The following ADAMTSL1 variants were observed in gnomAD, a reference collection of about 807,000 sequenced individuals.
ADAMTSL1 encodes ADAMTS like 1.
ADAMTSL1 carries 126 observed loss-of-function variants against 201.8 expected under a neutral mutation model. The observed-to-expected ratio is 0.62, with a 90% CI of 0.54 to 0.72. The LOEUF is 0.72. ADAMTSL1 is among the 30% of genes least tolerant of loss of function. The pLI is 0.00. For missense variants in ADAMTSL1, 2,679 were observed against 2,277.8 expected, an observed-to-expected ratio of 1.18 and a Z score of -3.59; for synonymous variants, 1,121 against 903.4, an observed-to-expected ratio of 1.24 and a Z score of -4.32.
At chr9:17,942,976 C>T (rs182268201) in intron 1 of ADAMTSL1, among the ~76,000 whole-genome samples, 2 of 152,230 alleles carry the variant, frequency 1.3e-5, no homozygotes, top group East Asian at 3.9e-4. Context: ...GGCTGGAGTG[C>T]AGTGACAGGA....
At chr9:18,258,093 A>T (rs1293936258) in intron 2 of ADAMTSL1, among the ~76,000 whole-genome samples, 1 of 152,168 alleles carries the variant, frequency 6.6e-6, no homozygotes, top group African/African-American at 2.4e-5. Flanking sequence ...GCTAAGTTGT[A>T]CTCTTAAAAA....
In ADAMTSL1 at chr9:18,706,877, G is replaced by C. The variant is rs773823757; in HGVS notation, c.1705G>C (p.Gly569Arg). Residue 569 changes from glycine (G) to arginine (R), a missense_variant, in exon 14 of 29, where the codon GGG becomes CGG. Gly to Arg is a moderately radical substitution (Grantham distance 125). Coordinates refer to ENST00000380548, the MANE Select transcript of ADAMTSL1 (RefSeq NM_001040272.6). ...TGACCTGCCTATTGACGAGTGTGAA[G>C]GGCCCAAGCCAGCATCCCAGCGTGC... ...VADLPIDECE[G>R]PKPASQRACY... The C allele has an allele frequency of 1.4e-4, 233 of 1,613,712 alleles. 1 individual carries two copies. Among genetic ancestry groups the C allele is most frequent in the Non-Finnish European group, 1.9e-4 (226 of 1,179,824 alleles).
intron 23 of ADAMTSL1, among the ~76,000 whole-genome samples, chr9:18,875,426 A>G (rs1422867215): frequency 6.6e-6 from 1 of 152,146 alleles, no homozygotes; most frequent in Non-Finnish European, 1.5e-5. Context: ...CCTTTGCTGT[A>G]TCACAGAGGT....
At chr9:18,773,610 TC>T (rs1820817857) in intron 17 of ADAMTSL1, among the ~76,000 whole-genome samples, 1 of 152,220 alleles carries the variant, frequency 6.6e-6, no homozygotes, top group South Asian at 2.1e-4. Context: ...GGTCTCCTCA[TC>T]ACCTGAGAAG....
At chr9:18,165,360 ATAT>A (rs1827586352) in intron 2 of ADAMTSL1, among the ~76,000 whole-genome samples, 1 of 151,960 alleles carries the variant, frequency 6.6e-6, no homozygotes. Context: ...AAATTGAATA[ATAT>A]GAACTAATTA....
intron 5 of ADAMTSL1, among the ~76,000 whole-genome samples, chr9:18,632,856 G>A (rs1826864387): frequency 2.0e-5 from 3 of 152,060 alleles, no homozygotes; most frequent in African/African-American, 7.2e-5. Flanking sequence ...TCTTTGACTA[G>A]GTGAGTGCAA....
At chr9:18,533,175 T>C in intron 2 of ADAMTSL1, 72 bp from the exon 3 acceptor site, 1 of 1,395,500 alleles carries the variant, frequency 7.2e-7, no homozygotes, top group Non-Finnish European at 9.9e-7. Flanking sequence ...AGAGCAAATT[T>C]TTATAAGAAA....
chr9:18,572,333 G>A (rs1221779857), intron 3 of ADAMTSL1, among the ~76,000 whole-genome samples: 1 of 152,122 alleles, frequency 6.6e-6, no homozygotes, highest in East Asian at 1.9e-4. Flanking sequence ...TAAACAGCCT[G>A]TATAGCACAC....
intron 1 of ADAMTSL1, among the ~76,000 whole-genome samples, chr9:17,974,202 C>T (rs1818342116): frequency 6.6e-6 from 1 of 152,144 alleles, no homozygotes; most frequent in Admixed American, 6.6e-5. Flanking sequence ...AGGATGCCCT[C>T]TCTCACCACT....
At chr9:18,059,332 A>G (rs1427942500) in intron 1 of ADAMTSL1, among the ~76,000 whole-genome samples, 1 of 152,208 alleles carries the variant, frequency 6.6e-6, no homozygotes, top group Non-Finnish European at 1.5e-5. Flanking sequence ...TTGTAGAATT[A>G]AGATAAATCG....
At chr9:18,866,362 G>T (rs1238492368) in intron 23 of ADAMTSL1, among the ~76,000 whole-genome samples, 1 of 152,126 alleles carries the variant, frequency 6.6e-6, no homozygotes, top group Non-Finnish European at 1.5e-5. Flanking sequence ...AATTACAGGG[G>T]CCTGTACTAC....
rs574684534 is a variant in ADAMTSL1 at position 17,971,388 on chromosome 9, C to G, written c.87+64466C>G. ...TAAATTTGTTTTAGCTTCTTAGTCT[C>G]CAAGTGCCTAAAAACTATCAATACT... On this transcript the variant is annotated intron_variant, in intron 1 of 29. Coordinates refer to the ADAMTSL1 transcript ENST00000680146. 3.9e-5 allele frequency among the ~76,000 whole-genome samples: 6 copies of G among 152,118 alleles called. No homozygotes were observed. In the South Asian group the frequency reaches 1.0e-3, roughly 26 times the overall value.
At chr9:18,325,744 G>GTT (rs768880998) in intron 2 of ADAMTSL1, among the ~76,000 whole-genome samples, 13 of 128,658 alleles carry the variant, frequency 1.0e-4, no homozygotes, top group Non-Finnish European at 1.4e-4. Context: ...AAGGACCTTT[G>GTT]TTTTTTTTTT....
At chr9:18,336,947 T>A (rs888225001) in intron 2 of ADAMTSL1, among the ~76,000 whole-genome samples, 9 of 152,162 alleles carry the variant, frequency 5.9e-5, no homozygotes, top group Admixed American at 5.2e-4. Context: ...TCCAAGCCTT[T>A]ATTTTTATTA....
intron 14 of ADAMTSL1, among the ~76,000 whole-genome samples, chr9:18,710,517 G>A (rs1587951466): frequency 6.6e-6 from 1 of 152,102 alleles, no homozygotes; most frequent in South Asian, 2.1e-4. Flanking sequence ...TCACCCCATG[G>A]GTTATTTTAA....
chr9:18,570,851 G>A (rs1822251205), intron 3 of ADAMTSL1, among the ~76,000 whole-genome samples: 1 of 152,188 alleles, frequency 6.6e-6, no homozygotes, highest in African/African-American at 2.4e-5. Context: ...ATGCTCATAA[G>A]CATTATTCTT....
At chr9:18,359,234 T>A (rs949721707) in intron 2 of ADAMTSL1, among the ~76,000 whole-genome samples, 6 of 152,176 alleles carry the variant, frequency 3.9e-5, no homozygotes, top group African/African-American at 1.2e-4. Flanking sequence ...TATAAAGATA[T>A]CCCCTTCCCT....
chr9:17,958,995 AGTCTTTTCTAATATT>A (rs908240348), intron 1 of ADAMTSL1, among the ~76,000 whole-genome samples: 2 of 152,162 alleles, frequency 1.3e-5, no homozygotes, highest in Non-Finnish European at 2.9e-5. Flanking sequence ...TCTGAATCAA[AGTCTTTTCTAATATT>A]GTCCTAAAGT....
chr9:18,724,218 TTCCCAGGCAGTTGTTA>T (rs1224250921), intron 15 of ADAMTSL1, among the ~76,000 whole-genome samples: 2 of 152,210 alleles, frequency 1.3e-5, no homozygotes, highest in Admixed American at 1.3e-4. Context: ...ATAAATAGCT[TTCCCAGGCAGTTGTTA>T]GTCCCACTGA....
Sources: gnomAD v4.1 joint callset for allele counts (sites outside exome capture counted in the v4.1 genomes callset) on GRCh38, gnomAD v4.1.1 for gene constraint, MANE v1.5 for transcripts, NCBI Gene and HGNC (gene_info 2026-07-23, HGNC 2026-07-21) for gene names.